Variants in AUTS2 observed in about 807,000 individuals in gnomAD.
The protein encoded by AUTS2 is autism susceptibility gene 2 protein.
A neutral mutation model predicts 112.4 loss-of-function variants in AUTS2; 17 were observed. The observed-to-expected ratio is 0.15, with a 90% confidence interval of 0.10 to 0.23. The LOEUF (loss-of-function observed/expected upper bound fraction) is 0.23. Ranked by LOEUF, AUTS2 falls within the 10% of genes least tolerant of loss-of-function variation. The pLI is 1.00. For missense variants in AUTS2, 1,510 were observed against 1,701.6 expected, an observed-to-expected ratio of 0.89 and a Z score of 1.98; for synonymous variants, 751 against 702.7, an observed-to-expected ratio of 1.07 and a Z score of -1.09.
At chr7:69,690,498 G>A (rs559070720) in intron 1 of AUTS2, among the ~76,000 whole-genome samples, 4 of 152,190 alleles carry the variant, frequency 2.6e-5, no homozygotes, top group Admixed American at 6.5e-5. Context: ...GGCGCAGAGC[G>A]GCAAGGGGTG....
intron 14 of AUTS2, among the ~76,000 whole-genome samples, chr7:70,778,873 C>G (rs2129559460): frequency 6.6e-6 from 1 of 152,308 alleles, no homozygotes; most frequent in South Asian, 2.1e-4. Context: ...AGCACATCTT[C>G]CTTGTAACTT....
chr7:69,869,973 T>C (rs1227125987), intron 1 of AUTS2, among the ~76,000 whole-genome samples: 1 of 152,154 alleles, frequency 6.6e-6, no homozygotes, highest in Non-Finnish European at 1.5e-5. Flanking sequence ...AAAAATGATT[T>C]CCTAAAAAGT....
rs17141604 is a variant in AUTS2, at chr7:70,435,482, C to T, written c.661-270C>T. ...AGCGCTCACTTGTGTGATTGAGCAC[C>T]TTGCTGGACTGACCTGAGGAAGAGC... On this transcript the variant is annotated intron_variant, in intron 4 of 18. Coordinates refer to ENST00000342771, the MANE Select transcript of AUTS2 (RefSeq NM_015570.4). Among the ~76,000 whole-genome samples the T allele has an allele frequency of 0.035, 5,279 of 152,300 alleles. 168 individuals carry two copies. The highest frequency in any genetic ancestry group is 0.077 in the African/African-American group (3,210 of 41,558).
intron 1 of AUTS2, among the ~76,000 whole-genome samples, chr7:69,714,249 A>ATATG (rs1293327805): frequency 1.1e-5 from 1 of 92,866 alleles, no homozygotes; most frequent in East Asian, 3.0e-4. Flanking sequence ...GTGTGTGTAT[A>ATATG]TGTGTGTGTG....
chr7:70,064,671 T>C (rs2079427514), intron 2 of AUTS2, among the ~76,000 whole-genome samples: 1 of 152,212 alleles, frequency 6.6e-6, no homozygotes, highest in South Asian at 2.1e-4. Context: ...GCAAATGTGG[T>C]ACCTGATGGA....
chr7:70,748,006 T>TTTG (rs1788575567), intron 6 of AUTS2, among the ~76,000 whole-genome samples: 2 of 148,396 alleles, frequency 1.3e-5, no homozygotes, highest in Non-Finnish European at 3.0e-5. Context: ...TTTTTTTTTT[T>TTTG]TTTAGTAGAG....
intron 1 of AUTS2, among the ~76,000 whole-genome samples, chr7:69,617,931 T>C (rs563189764): frequency 6.6e-6 from 1 of 152,330 alleles, no homozygotes; most frequent in East Asian, 1.9e-4. Flanking sequence ...GGGAATTATT[T>C]TAACCACAAT....
intron 2 of AUTS2, among the ~76,000 whole-genome samples, chr7:69,985,199 C>G (rs1396859923): frequency 1.4e-5 from 2 of 142,796 alleles, no homozygotes; most frequent in South Asian, 4.5e-4. Context: ...CCACTGCACT[C>G]TAGCCTGAGC....
At chr7:70,409,313 A>G (rs1794676143) in intron 4 of AUTS2, among the ~76,000 whole-genome samples, 1 of 152,140 alleles carries the variant, frequency 6.6e-6, no homozygotes, top group Non-Finnish European at 1.5e-5. Flanking sequence ...CTTGTCTAGT[A>G]TCACTTGGTG....
At chr7:69,868,652 C>G (rs181571729) in intron 1 of AUTS2, among the ~76,000 whole-genome samples, 1 of 152,166 alleles carries the variant, frequency 6.6e-6, no homozygotes, top group Non-Finnish European at 1.5e-5. Flanking sequence ...CCTGTGCATA[C>G]GTTCTGATTT....
intron 5 of AUTS2, among the ~76,000 whole-genome samples, chr7:70,636,246 A>T (rs977541422): frequency 6.6e-6 from 1 of 152,180 alleles, no homozygotes; most frequent in Non-Finnish European, 1.5e-5. Context: ...CTAAGGCAGC[A>T]TGTTCTCCAG....
chr7:69,788,135 A>C (rs553364002), intron 1 of AUTS2, among the ~76,000 whole-genome samples: 6 of 151,978 alleles, frequency 3.9e-5, no homozygotes, highest in Admixed American at 3.3e-4. Context: ...CTACTTTGTT[A>C]CCCCACCCCA....
At chr7:70,056,774 G>A (rs771495114) in intron 2 of AUTS2, among the ~76,000 whole-genome samples, 5 of 152,168 alleles carry the variant, frequency 3.3e-5, no homozygotes, top group Non-Finnish European at 5.9e-5. Context: ...CAGCGCTTCC[G>A]AAGATGGAAT....
intron 4 of AUTS2, among the ~76,000 whole-genome samples, chr7:70,209,602 TGAA>T (rs1420661876): frequency 6.6e-6 from 1 of 151,850 alleles, no homozygotes; most frequent in African/African-American, 2.4e-5. Flanking sequence ...GTGAAGGAGA[TGAA>T]GAAGGAGAAG....
At chr7:70,118,308 A>G in intron 3 of AUTS2, 75 bp downstream of exon 3, 1 of 1,402,238 alleles carries the variant, frequency 7.1e-7, no homozygotes, top group Non-Finnish European at 9.3e-7. Context: ...CATTGGTTCA[A>G]GTCTGAATTA....
At chr7:69,818,606 C>T (rs764763147) in intron 1 of AUTS2, among the ~76,000 whole-genome samples, 5 of 152,094 alleles carry the variant, frequency 3.3e-5, no homozygotes, top group African/African-American at 7.2e-5. Context: ...ATACATTGGA[C>T]TATTGTTTGT....
intron 4 of AUTS2, among the ~76,000 whole-genome samples, chr7:70,402,228 G>A (rs944620186): frequency 2.6e-5 from 4 of 152,206 alleles, no homozygotes; most frequent in African/African-American, 9.7e-5. Context: ...AAGGACATTT[G>A]TATCAACCCA....
intron 4 of AUTS2, among the ~76,000 whole-genome samples, chr7:70,367,900 C>T (rs115734583): frequency 4.0e-4 from 61 of 151,842 alleles, no homozygotes; most frequent in African/African-American, 1.4e-3. Flanking sequence ...TAGAATCATT[C>T]GAAAAGAATG....
chr7:70,762,738 G>A (rs1789646281), intron 6 of AUTS2, 132 bp from the exon 7 acceptor site: 2 of 726,084 alleles, frequency 2.8e-6, no homozygotes, highest in Admixed American at 2.0e-5. Context: ...TGGAGACAAG[G>A]ACCCAAGCCA....
Sources: allele counts gnomAD v4.1 joint callset (sites outside exome capture counted in the v4.1 genomes callset), GRCh38; gene constraint gnomAD v4.1.1; transcripts MANE v1.5; gene names NCBI Gene and HGNC (gene_info 2026-07-23, HGNC 2026-07-21).